The following NOS2 variants were observed in gnomAD, a reference collection of about 807,000 sequenced individuals.
NOS2 encodes the protein nitric oxide synthase 2, also known as nitric oxide synthase, inducible.
NOS2 carries 96 observed loss-of-function variants against 136.0 expected under a neutral mutation model. The ratio of observed to expected loss-of-function variants is 0.71; its 90% CI spans 0.60 to 0.84. The LOEUF (loss-of-function observed/expected upper bound fraction) is 0.84. NOS2 is among the 40% of genes least tolerant of loss of function. The probability of loss-of-function intolerance (pLI) is 0.00; values close to 1 mark genes in which losing one functional copy is unlikely to be tolerated. For missense variants in NOS2, 1,237 were observed against 1,496.9 expected (o/e 0.83, Z 2.87); for synonymous variants, 539 against 587.5 (o/e 0.92, Z 1.20).
chr17:27,788,322 A>C (rs1909086279), intron 4 of NOS2, among the ~76,000 whole-genome samples: 1 of 152,168 alleles, frequency 6.6e-6, no homozygotes, highest in Non-Finnish European at 1.5e-5. Context: ...TTCCCACTTT[A>C]CAACCATAGA....
intron 2 of NOS2, chr17:27,793,692 C>T: frequency 2.5e-6 from 1 of 395,336 alleles, no homozygotes; most frequent in East Asian, 3.6e-5. Context: ...GCCCCTCGCG[C>T]ATGGCCCGGC....
In NOS2 at chr17:27,787,713, G is replaced by C; in HGVS notation, c.432C>G (p.Ile144Met). 1 of 1,613,584 alleles carries C rather than the reference G, an allele frequency of 6.2e-7. No individual in the cohort carries two copies. Among genetic ancestry groups the C allele is most frequent in the Non-Finnish European group, 8.5e-7 (1 of 1,179,776 alleles). Residue 144 changes from isoleucine (I) to methionine (M), a missense_variant, in exon 5 of 27, where the codon ATC becomes ATG. Ile to Met is a conservative substitution (Grantham distance 10, BLOSUM62 1). This residue lies in a region of NOS2 where 440 missense variants were observed against 545.4 expected (regional missense o/e 0.81). Transcript: ENST00000313735. The part of the protein sequence containing the change: ...TPPDELLPQA[I>M]EFVNQYYGSF... ...AGCCGTAATATTGGTTGACAAATTC[G>C]ATAGCTTGAGGTAGAAGCTCATCTG...
intron 2 of NOS2, chr17:27,793,724 G>C (rs1909266418): frequency 5.1e-6 from 2 of 392,612 alleles, no homozygotes; most frequent in South Asian, 1.3e-4. Flanking sequence ...AGCTCCGCTG[G>C]CTCCACGCGC....
chr17:27,760,524 T>A, intron 24 of NOS2, 99 bp downstream of exon 24: 1 of 1,504,348 alleles, frequency 6.6e-7, no homozygotes, highest in Non-Finnish European at 9.0e-7. Context: ...AGGCCTTCCC[T>A]CGAGAGAGGT....
intron 12 of NOS2, among the ~76,000 whole-genome samples, chr17:27,773,464 G>C (rs559480820): frequency 2.6e-5 from 4 of 152,222 alleles, no homozygotes; most frequent in South Asian, 2.1e-4. Context: ...GCACATCGAG[G>C]GGGGGCGGCT....
At chr17:27,778,639 A>G (rs1233338051) in intron 11 of NOS2, 51 bp downstream of exon 11, 1 of 1,398,512 alleles carries the variant, frequency 7.2e-7, no homozygotes, top group Admixed American at 1.7e-5. Context: ...TCACTGGATC[A>G]GTTAAGCTTC....
intron 23 of NOS2, 81 bp downstream of exon 23, chr17:27,761,062 TA>T: frequency 7.6e-7 from 1 of 1,319,006 alleles, no homozygotes; most frequent in South Asian, 1.5e-5. Flanking sequence ...GAGCGTCTCC[TA>T]AACCCCAGAT....
rs1909160799 is a variant in NOS2 at position 27,790,729 on chromosome 17, A to G, written c.111-1041T>C. Reference sequence around the variant, plus strand: ...TACAAATTAAATTAAACATTACTTAAAGTAATTTTTTAAATTAAAGATTAC... The same window carrying G: ...TACAAATTAAATTAAACATTACTTAGAGTAATTTTTTAAATTAAAGATTAC... On this transcript the variant is annotated intron_variant, in intron 2 of 26. Transcript: ENST00000313735. Among the ~76,000 whole-genome samples the G allele has an allele frequency of 3.3e-5, 5 of 152,248 alleles. No homozygotes were observed. The South Asian group carries it at 1.0e-3, about 31-fold the overall frequency.
At chr17:27,773,987 G>A (rs553351564) in intron 12 of NOS2, among the ~76,000 whole-genome samples, 6 of 152,268 alleles carry the variant, frequency 3.9e-5, no homozygotes, top group Middle Eastern at 3.4e-3. Context: ...GACTGTTGCC[G>A]GGCCCTCCCG....
chr17:27,764,760 T>C (rs1448866916), intron 20 of NOS2, among the ~76,000 whole-genome samples: 4 of 152,186 alleles, frequency 2.6e-5, no homozygotes, highest in Non-Finnish European at 5.9e-5. Context: ...CTGAATGAAA[T>C]TGTGCCATAA....
chr17:27,780,955 C>A (rs747962290), intron 8 of NOS2, 49 bp from the exon 9 acceptor site: 2 of 1,596,446 alleles, frequency 1.3e-6, no homozygotes, highest in Non-Finnish European at 1.7e-6. Context: ...GGCTGCGTGT[C>A]TCCTCTGGGC....
intron 10 of NOS2, 40 bp downstream of exon 10, chr17:27,778,842 G>A (rs1908746732): frequency 1.2e-6 from 2 of 1,612,012 alleles, no homozygotes; most frequent in East Asian, 2.2e-5. Context: ...CCACCCCCAG[G>A]CCCACACCTT....
intron 2 of NOS2, chr17:27,793,655 G>A (rs908057427): frequency 1.8e-5 from 7 of 396,930 alleles, no homozygotes; most frequent in Admixed American, 8.8e-5. Flanking sequence ...CACAGCCGGG[G>A]CCCGGCGGCC....
In NOS2 at chr17:27,789,687, G is replaced by T; in HGVS notation, c.112C>A (p.Pro38Thr). 4 of 1,612,666 alleles carry T rather than the reference G, an allele frequency of 2.5e-6. No individual in the cohort carries two copies. The highest frequency in any genetic ancestry group is 3.4e-6 in the Non-Finnish European group (4 of 1,178,708). The change falls in exon 3 of 27, where the codon CCA (proline) becomes ACA (threonine). Residue 38 changes from proline to threonine, a missense_variant and splice_region_variant. Pro to Thr is a conservative substitution (Grantham distance 38, BLOSUM62 -1). This residue lies in a region of NOS2 where 440 missense variants were observed against 545.4 expected (regional missense o/e 0.81). Transcript: ENST00000313735. ...TACTGAAGGTCATCCTGTGTCACTG[G>T]ACTGTGAAAGGAAACAGCTAGCATG... ...VEKAPCATSS[P>T]VTQDDLQYHN... is the part of the protein sequence containing the mutation.
rs916039529 is a variant in NOS2, at chr17:27,788,797, C to T, written c.318+12G>A. Reference sequence around the variant, plus strand: ...GGGACAAAGGTGGTTCTCCCTGAAGCCCCAGACTTACCCCTTTGGCCTTAT... The same window carrying T: ...GGGACAAAGGTGGTTCTCCCTGAAGTCCCAGACTTACCCCTTTGGCCTTAT... On this transcript the variant is annotated intron_variant, in intron 4 of 26. Transcript: ENST00000313735. 20 of 1,610,374 alleles carry T rather than the reference C, an allele frequency of 1.2e-5. No homozygotes were observed. Among genetic ancestry groups the T allele is most frequent in the African/African-American group, 5.3e-5 (4 of 74,878 alleles).
intron 2 of NOS2, among the ~76,000 whole-genome samples, chr17:27,798,031 G>T (rs1597562805): frequency 1.3e-5 from 2 of 152,096 alleles, no homozygotes; most frequent in Admixed American, 6.5e-5. Context: ...TCTGGCAAGG[G>T]CAGGTACTCA....
At position 27,769,166 on chromosome 17, in the gene NOS2, A is replaced by G. The variant is rs754792815; in HGVS notation, c.1860-15T>C. 45 of 1,596,744 alleles carry G rather than the reference A, an allele frequency of 2.8e-5. No homozygotes were observed. The highest frequency in any genetic ancestry group is 3.7e-5 in the Non-Finnish European group (44 of 1,173,412). ...ACACAGCGTACCTGCCCGAGGACAC[A>G]CACAGAGACACATGTCCCATGCAAG... is the stretch of plus-strand genomic sequence containing the variant. On this transcript the variant is annotated splice_polypyrimidine_tract_variant and intron_variant, in intron 16 of 26. Transcript: ENST00000313735.
In NOS2 at chr17:27,757,117, A is replaced by G. The variant is rs200438857; in HGVS notation, c.*129T>C. 15 of 677,808 alleles carry G rather than the reference A, an allele frequency of 2.2e-5. 1 individual carries two copies. The highest frequency in any genetic ancestry group is 7.3e-6 in the Non-Finnish European group (3 of 411,630). The allele number at this position is 677,808 out of a possible 1,614,324, so 42.0% of individuals were successfully genotyped here. The stretch of plus-strand genomic sequence containing the variant: ...AAGGGCTTGATGGGGAGCAACGTTG[A>G]GGAAATAAGACTTGAGGCTGGGGGA... On this transcript the variant is annotated 3_prime_UTR_variant, in exon 27 of 27. Transcript: ENST00000313735.
At chr17:27,792,815 CAAAAA>C (rs34992777) in intron 2 of NOS2, among the ~76,000 whole-genome samples, 4 of 52,512 alleles carry the variant, frequency 7.6e-5, no homozygotes, top group African/African-American at 3.3e-4. Flanking sequence ...CCTATCTCTA[CAAAAA>C]AAAAAAAAAA....
Sources: allele counts gnomAD v4.1 joint callset (sites outside exome capture counted in the v4.1 genomes callset), GRCh38; gene constraint gnomAD v4.1.1; regional missense constraint gnomAD v4.1.1; transcripts MANE v1.5; gene names NCBI Gene and HGNC (gene_info 2026-07-23, HGNC 2026-07-21).